Variants in IYD observed in about 807,000 individuals in gnomAD.
IYD encodes iodotyrosine deiodinase 1.
Under a neutral mutation model 28.4 loss-of-function variants are expected in IYD, and 25 were observed. The ratio of observed to expected loss-of-function variants is 0.88; its 90% confidence interval spans 0.64 to 1.23. IYD has a LOEUF of 1.23. Ranked by LOEUF, IYD falls within the 50% of genes most tolerant of loss-of-function variation. The pLI is 0.00. For missense variants in IYD, 352 were observed against 357.9 expected (o/e 0.98, Z 0.13); for synonymous variants, 140 against 130.8 (o/e 1.07, Z -0.48).
At chr6:150,381,363 C>A (rs916929706) in intron 1 of IYD, among the ~76,000 whole-genome samples, 1 of 152,138 alleles carries the variant, frequency 6.6e-6, no homozygotes, top group Non-Finnish European at 1.5e-5. Context: ...TGTCTTTTCT[C>A]CTTTTTTAGA....
rs766697701 is a variant in IYD at position 150,369,149 on chromosome 6, G to T, written c.118G>T (p.Ala40Ser). 8.7e-6 allele frequency: 14 copies of T among 1,613,934 alleles called. No individual in the cohort carries two copies. In the Admixed American group the frequency reaches 2.2e-4, roughly 25 times the overall value. The change falls in exon 1 of 5, where the codon GCT (alanine) becomes TCT (serine). Residue 40 changes from alanine (A) to serine (S), a missense_variant. Transcript: ENST00000344419. ...KKGEPRTRAE[A>S]RPWVDEDLKD... is the part of the protein sequence containing the mutation. ...GGGGGAGCCTAGAACCAGGGCCGAA[G>T]CTCGCCCCTGGGTGGATGAAGACTT...
chr6:150,390,695 T>C (rs1291098172), intron 2 of IYD, among the ~76,000 whole-genome samples: 1 of 152,114 alleles, frequency 6.6e-6, no homozygotes, highest in Non-Finnish European at 1.5e-5. Context: ...ATCCCACCCA[T>C]GAGTCACTGT....
intron 1 of IYD, among the ~76,000 whole-genome samples, chr6:150,381,482 C>A (rs671185): frequency 0.57 from 87,082 of 151,984 alleles, 25,345 homozygotes; most frequent in African/African-American, 0.66. Context: ...AATGCACTCA[C>A]TGAAGAAGTG....
At chr6:150,395,655 T>C (rs1395627823) in intron 4 of IYD, 2 of 1,055,418 alleles carry the variant, frequency 1.9e-6, no homozygotes, top group Non-Finnish European at 2.8e-6. Context: ...GAGTAGGTTA[T>C]GATTAGTGAT....
intron 4 of IYD, chr6:150,395,467 A>C: frequency 4.6e-6 from 7 of 1,537,210 alleles, no homozygotes; most frequent in Non-Finnish European, 5.2e-6. Context: ...AAATAATGGA[A>C]TCACCATGCG....
Position 150,401,204 on chromosome 6 carries a change from G to C in IYD, c.*2967G>C, listed in dbSNP as rs1446472872. 6.6e-6 allele frequency: 1 copy of C among 152,132 alleles called. No homozygotes were observed. The highest frequency in any genetic ancestry group is 1.5e-5 in the Non-Finnish European group (1 of 68,018). 9.4% of individuals were successfully genotyped at this position (152,132 alleles called of 1,614,324 possible). ...TTTCTTTCAGTCATATAAGTAATTTGCCTAAAAATGCCCTCTAAGTCCATC... is the reference window on the plus strand; with the variant it reads ...TTTCTTTCAGTCATATAAGTAATTTCCCTAAAAATGCCCTCTAAGTCCATC... On this transcript the variant is annotated 3_prime_UTR_variant, in exon 5 of 5. Transcript: ENST00000344419.
In IYD at chr6:150,395,727, G is replaced by C. The variant is rs56303813; in HGVS notation, c.687+1472G>C. ...AGTATGGTGACTGGGTCTGATAAGC[G>C]CGCCATGCATGTCTTGTAGAGGCAG... On this transcript the variant is annotated intron_variant, in intron 4 of 4. Coordinates refer to ENST00000344419, the MANE Select transcript of IYD (RefSeq NM_203395.3). 1,613 of 714,014 alleles carry C rather than the reference G, an allele frequency of 2.3e-3. 22 individuals are homozygous for C. The African/African-American group carries it at 0.024, about 11-fold the overall frequency. The allele number at this position is 714,014 out of a possible 1,614,324, so 44.2% of individuals were successfully genotyped here. A position where few individuals can be genotyped will look rare whatever the true frequency, so the allele number is the denominator to read the frequency against.
rs1185974169 is a variant in IYD at position 150,400,478 on chromosome 6, G to T, written c.*2241G>T. On this transcript the variant is annotated 3_prime_UTR_variant, in exon 5 of 5. Coordinates refer to ENST00000344419, the MANE Select transcript of IYD (RefSeq NM_203395.3). Reference sequence around the variant, plus strand: ...TGAATTATGAAGTATTCCTTCCAAAGATGTCAATGGAAACTAATCGAGTCT... The same window carrying T: ...TGAATTATGAAGTATTCCTTCCAAATATGTCAATGGAAACTAATCGAGTCT... 1 of 152,134 alleles carries T rather than the reference G, an allele frequency of 6.6e-6. No homozygotes were observed. The highest frequency in any genetic ancestry group is 2.4e-5 in the African/African-American group (1 of 41,426). The allele number at this position is 152,134 out of a possible 1,614,324, so 9.4% of individuals were successfully genotyped here.
chr6:150,389,119 C>G (rs1019277060), intron 1 of IYD, among the ~76,000 whole-genome samples: 4 of 152,208 alleles, frequency 2.6e-5, no homozygotes, highest in Non-Finnish European at 4.4e-5. Flanking sequence ...ATCCTCTCAC[C>G]TCTGTCTCCA....
rs747376970 is a variant in IYD at position 150,389,434 on chromosome 6, TAA to T, written c.262_263del (p.Lys88GlufsTer7). On this transcript the variant is annotated frameshift_variant, in exon 2 of 5. Transcript: ENST00000344419. LOFTEE classifies it high-confidence loss of function. ...HNHYPEKEMV[K>X]RSQEFYELLN... Reference sequence around the variant, plus strand: ...ACCACTATCCTGAGAAGGAAATGGTTAAGAGGTCTCAGGAATTTTATGAACTT... The same window carrying T: ...ACCACTATCCTGAGAAGGAAATGGTTGAGGTCTCAGGAATTTTATGAACTT... 6.2e-7 allele frequency: 1 copy of T among 1,613,644 alleles called. No homozygotes were observed. The highest frequency in any genetic ancestry group is 1.1e-5 in the South Asian group (1 of 91,084).
At position 150,402,185 on chromosome 6, in the gene IYD, C is replaced by T. The variant is rs962001706; in HGVS notation, c.*3948C>T. ...GTCCTCTGCAGGCCTGGAAACCCTC[C>T]GAGACAATTACTTGCATGGGGTAAC... On this transcript the variant is annotated 3_prime_UTR_variant, in exon 5 of 5. Coordinates refer to ENST00000344419, the MANE Select transcript of IYD (RefSeq NM_203395.3). The T allele has an allele frequency of 2.6e-5, 4 of 152,208 alleles. No individual in the cohort carries two copies. The highest frequency in any genetic ancestry group is 5.9e-5 in the Non-Finnish European group (4 of 68,052). The allele number at this position is 152,208 out of a possible 1,614,324, so 9.4% of individuals were successfully genotyped here. A position where few individuals can be genotyped will look rare whatever the true frequency, so the allele number is the denominator to read the frequency against.
Position 150,392,393 on chromosome 6 carries a change from T to C in IYD, c.419T>C (p.Val140Ala). Residue 140 changes from valine (V) to alanine (A), a missense_variant, in exon 3 of 5, where the codon GTG (valine) becomes GCG (alanine). Transcript: ENST00000344419. ...ACAGAGCCCTGGACCTTCGTGGTTGTGAAGGACCCAGACGTGAAGCACAAG... is the reference window on the plus strand; with the variant it reads ...ACAGAGCCCTGGACCTTCGTGGTTGCGAAGGACCCAGACGTGAAGCACAAG... ...AHTEPWTFVVVKDPDVKHKIR... is the reference protein window; with the variant it reads ...AHTEPWTFVVAKDPDVKHKIR... The C allele has an allele frequency of 6.2e-7, 1 of 1,613,722 alleles. No homozygotes were observed. The highest frequency in any genetic ancestry group is 8.5e-7 in the Non-Finnish European group (1 of 1,179,804).
rs1407596767 is a variant in IYD, at chr6:150,398,607, G to A, written c.*370G>A. 9 of 180,452 alleles carry A rather than the reference G, an allele frequency of 5.0e-5. No individual in the cohort carries two copies. Among genetic ancestry groups the A allele is most frequent in the South Asian group, 1.5e-4 (1 of 6,838 alleles). The allele number at this position is 180,452 out of a possible 1,614,324, so 11.2% of individuals were successfully genotyped here. On this transcript the variant is annotated 3_prime_UTR_variant, in exon 5 of 5. Coordinates refer to ENST00000344419, the MANE Select transcript of IYD (RefSeq NM_203395.3). Reference sequence around the variant, plus strand: ...CAAGAATTCAGCTACATGATGACTCGAATTTAAATTTAGATTAATCAAATG... The same window carrying A: ...CAAGAATTCAGCTACATGATGACTCAAATTTAAATTTAGATTAATCAAATG...
chr6:150,389,275 T>C, intron 1 of IYD, 77 bp from the exon 2 acceptor site: 1 of 1,087,218 alleles, frequency 9.2e-7, no homozygotes, highest in Non-Finnish European at 1.4e-6. Context: ...TTTAAGCACT[T>C]TATCTTCTTC....
intron 4 of IYD, chr6:150,396,354 A>G: frequency 4.0e-6 from 2 of 504,524 alleles, no homozygotes; most frequent in South Asian, 6.8e-5. Context: ...ATCCTGACCT[A>G]TAATAAGACC....
chr6:150,374,323 C>T (rs553126007), intron 1 of IYD, among the ~76,000 whole-genome samples: 21 of 152,138 alleles, frequency 1.4e-4, no homozygotes, highest in Non-Finnish European at 2.5e-4. Flanking sequence ...GTCGTGGAGA[C>T]ATACAAGAGG....
chr6:150,395,470 A>G (rs1320156803), intron 4 of IYD: 1 of 1,537,102 alleles, frequency 6.5e-7, no homozygotes, highest in Non-Finnish European at 8.7e-7. Context: ...TAATGGAATC[A>G]CCATGCGGCA....
chr6:150,387,313 C>T (rs1399713423), intron 1 of IYD, among the ~76,000 whole-genome samples: 1 of 151,812 alleles, frequency 6.6e-6, no homozygotes, highest in Admixed American at 6.6e-5. Context: ...GTACTCCCAG[C>T]TACTCAGGAG....
rs571183281 is a variant in IYD, at chr6:150,399,129, T to C, written c.*892T>C. 2.0e-5 allele frequency: 3 copies of C among 152,376 alleles called. No homozygotes were observed. The South Asian group carries it at 6.2e-4, about 32-fold the overall frequency. The allele number at this position is 152,376 out of a possible 1,614,324, so 9.4% of individuals were successfully genotyped here. On this transcript the variant is annotated 3_prime_UTR_variant, in exon 5 of 5. Coordinates refer to ENST00000344419, the MANE Select transcript of IYD (RefSeq NM_203395.3). ...GGGTCGCACGGGCCTGGCTGGCATG[T>C]AAACGGTCAGTTGCACTGCCTAGTG...
Sources: allele counts gnomAD v4.1 joint callset (sites outside exome capture counted in the v4.1 genomes callset), GRCh38; gene constraint gnomAD v4.1.1; transcripts MANE v1.5; gene names NCBI Gene and HGNC (gene_info 2026-07-23, HGNC 2026-07-21).